Variants in TFEC observed in about 807,000 individuals in gnomAD.
The protein encoded by TFEC is transcription factor EC, also known as class E basic helix-loop-helix protein 34.
In TFEC, 31 loss-of-function variants were observed where a neutral mutation model predicts 41.6. The ratio of observed to expected loss-of-function variants is 0.74; its 90% CI spans 0.56 to 1.01. The LOEUF is 1.01. TFEC is among the 50% of genes least tolerant of loss of function. The pLI is 0.00. For synonymous variants in TFEC, 143 were observed against 140.6 expected, an observed-to-expected ratio of 1.02 and a Z score of -0.12; for missense variants, 402 against 404.1, an observed-to-expected ratio of 0.99 and a Z score of 0.04.
At chr7:115,996,969 C>T (rs918637070) in intron 1 of TFEC, among the ~76,000 whole-genome samples, 4 of 152,132 alleles carry the variant, frequency 2.6e-5, no homozygotes, top group Non-Finnish European at 5.9e-5. Context: ...GCCCTGGCTC[C>T]CAGCTGGTAT....
chr7:116,026,215 C>A (rs975318336), intron 1 of TFEC, among the ~76,000 whole-genome samples: 1 of 152,200 alleles, frequency 6.6e-6, no homozygotes, highest in Non-Finnish European at 1.5e-5. Flanking sequence ...CTGAATATGC[C>A]ATGCTTTTCA....
chr7:116,053,891 C>T (rs543704222), intron 3 of TFEC, among the ~76,000 whole-genome samples: 4 of 152,290 alleles, frequency 2.6e-5, no homozygotes, highest in Non-Finnish European at 4.4e-5. Flanking sequence ...AATACAAATG[C>T]ATACTGTGTA....
chr7:116,139,751 G>A (rs1202857566), intron 1 of TFEC, among the ~76,000 whole-genome samples: 1 of 152,146 alleles, frequency 6.6e-6, no homozygotes, highest in Non-Finnish European at 1.5e-5. Context: ...TTTGAGATAG[G>A]CCTTAAAGAC....
chr7:116,042,698 T>C (rs1173615268), intron 3 of TFEC, among the ~76,000 whole-genome samples: 6 of 152,204 alleles, frequency 3.9e-5, no homozygotes, highest in African/African-American at 1.2e-4. Flanking sequence ...TATGCAGGAC[T>C]GATTCAGGAG....
intron 1 of TFEC, among the ~76,000 whole-genome samples, chr7:115,999,892 AT>A (rs1239696865): frequency 6.6e-6 from 1 of 151,542 alleles, no homozygotes; most frequent in Non-Finnish European, 1.5e-5. Flanking sequence ...TTTACCAAAC[AT>A]TTAAAGAATT....
chr7:115,984,729 C>A (rs1212165024), intron 1 of TFEC, among the ~76,000 whole-genome samples: 4 of 151,960 alleles, frequency 2.6e-5, no homozygotes, highest in South Asian at 2.1e-4. Context: ...ATTTTAAATG[C>A]TAACCAGTTT....
chr7:116,013,548 C>T (rs1795080783), intron 1 of TFEC, among the ~76,000 whole-genome samples: 1 of 152,088 alleles, frequency 6.6e-6, no homozygotes, highest in Admixed American at 6.6e-5. Flanking sequence ...TTAACTTGTA[C>T]TTCCATTTCA....
Position 115,939,266 on chromosome 7 carries a change from TGATCG to T in TFEC, c.*1280_*1284del, listed in dbSNP as rs1195458762. The T allele has an allele frequency of 6.6e-6, 1 of 152,056 alleles. No homozygotes were observed. Among genetic ancestry groups the T allele is most frequent in the Non-Finnish European group, 1.5e-5 (1 of 67,976 alleles). 9.4% of individuals were successfully genotyped at this position (152,056 alleles called of 1,614,324 possible). On this transcript the variant is annotated 3_prime_UTR_variant, in exon 8 of 8. Transcript: ENST00000265440. Reference sequence around the variant, plus strand: ...TGAGTATGCCTCCATGAATACTCATTGATCGGATGATCACTCTTGGAGGTCCAGCA... The same window carrying T: ...TGAGTATGCCTCCATGAATACTCATTGATGATCACTCTTGGAGGTCCAGCA...
intron 1 of TFEC, among the ~76,000 whole-genome samples, chr7:116,139,640 C>A (rs1297151598): frequency 6.6e-6 from 1 of 152,126 alleles, no homozygotes; most frequent in Non-Finnish European, 1.5e-5. Context: ...GAAAACAATT[C>A]TGTGATAAAC....
rs1463739841 is a variant in TFEC at position 115,950,937 on chromosome 7, C to T, written c.452G>A (p.Arg151Lys). ...GATTCGGTAATTAATATTATACCTTCTTCTTCTTTCAACTATTAAAGAAGA... is the reference window on the plus strand; with the variant it reads ...GATTCGGTAATTAATATTATACCTTTTTCTTCTTTCAACTATTAAAGAAGA... ...KDNHNLIERR[R>K]RYNINYRIKE... The change falls in exon 6 of 8, where the codon AGA (arginine) becomes AAA (lysine). Residue 151 changes from arginine to lysine, a missense_variant. Coordinates refer to ENST00000265440, the MANE Select transcript of TFEC (RefSeq NM_012252.4). The T allele has an allele frequency of 6.3e-7, 1 of 1,587,490 alleles. No individual in the cohort carries two copies. The highest frequency in any genetic ancestry group is 8.6e-7 in the Non-Finnish European group (1 of 1,161,250).
At chr7:115,953,580 T>C (rs1792062305) in intron 5 of TFEC, among the ~76,000 whole-genome samples, 1 of 152,052 alleles carries the variant, frequency 6.6e-6, no homozygotes, top group African/African-American at 2.4e-5. Flanking sequence ...AGTGGCTGAT[T>C]AAGAGAAAAG....
intron 6 of TFEC, among the ~76,000 whole-genome samples, chr7:115,946,885 T>A (rs1791609798): frequency 6.6e-6 from 1 of 151,294 alleles, no homozygotes; most frequent in South Asian, 2.2e-4. Flanking sequence ...ATGAATAATA[T>A]CCAGTATTTG....
intron 3 of TFEC, among the ~76,000 whole-genome samples, chr7:116,063,676 T>A (rs1796624801): frequency 6.6e-6 from 1 of 152,172 alleles, no homozygotes; most frequent in East Asian, 1.9e-4. Flanking sequence ...TTGATTGTGG[T>A]GACAGTTTCA....
At chr7:115,965,015 A>G (rs1241745062) in intron 3 of TFEC, among the ~76,000 whole-genome samples, 1 of 151,624 alleles carries the variant, frequency 6.6e-6, no homozygotes, top group African/African-American at 2.4e-5. Flanking sequence ...AAGTGTGGTA[A>G]CAACTGTAGA....
At chr7:116,007,601 A>G (rs1186348412) in intron 1 of TFEC, among the ~76,000 whole-genome samples, 2 of 152,154 alleles carry the variant, frequency 1.3e-5, no homozygotes, top group Admixed American at 1.3e-4. Flanking sequence ...CTAGTGTTCT[A>G]CGCTGTAGTC....
At chr7:116,034,032 C>T (rs1194789152), upstream of TFEC, among the ~76,000 whole-genome samples, 1 of 152,104 alleles carries the variant, frequency 6.6e-6, no homozygotes, top group Non-Finnish European at 1.5e-5. Context: ...TTCTCACTTC[C>T]AACTTACTTT....
rs572743776 is a variant in TFEC, at chr7:116,119,637, G to A, written c.-68-7599C>T. Among the ~76,000 whole-genome samples the A allele has an allele frequency of 9.7e-4, 147 of 151,844 alleles. 1 individual carries two copies. Among genetic ancestry groups the A allele is most frequent in the African/African-American group, 3.3e-3 (135 of 41,478 alleles). On this transcript the variant is annotated intron_variant, in intron 1 of 8. Transcript: ENST00000484212. The stretch of plus-strand genomic sequence containing the variant: ...ATGATTACACTAGCCAGTTAATATG[G>A]GAGGTAAATGAAGTGGAAATGAGGA...
At chr7:116,079,047 T>C (rs1010947924) in intron 3 of TFEC, among the ~76,000 whole-genome samples, 2 of 152,092 alleles carry the variant, frequency 1.3e-5, no homozygotes, top group Non-Finnish European at 2.9e-5. Context: ...ATAAATGTGA[T>C]AGATGACATA....
rs1793418892 is a variant in TFEC at position 115,940,248 on chromosome 7, C to G, written c.*303G>C. ...GTTCCAGTAGTACACCACCAAGTTG[C>G]TGCTTTTAAAACATCAATAAAGAGC... On this transcript the variant is annotated 3_prime_UTR_variant, in exon 8 of 8. Transcript: ENST00000265440. 1 of 224,258 alleles carries G rather than the reference C, an allele frequency of 4.5e-6. No homozygotes were observed. The highest frequency in any genetic ancestry group is 2.3e-5 in the African/African-American group (1 of 43,456). The allele number at this position is 224,258 out of a possible 1,614,324, so 13.9% of individuals were successfully genotyped here.
Sources: allele counts gnomAD v4.1 joint callset (sites outside exome capture counted in the v4.1 genomes callset), GRCh38; gene constraint gnomAD v4.1.1; transcripts MANE v1.5; gene names NCBI Gene and HGNC (gene_info 2026-07-23, HGNC 2026-07-21).